The following IPO5 variants were observed in gnomAD, a reference collection of about 807,000 sequenced individuals.
IPO5 encodes the protein importin-5.
IPO5 carries 18 observed loss-of-function variants against 143.3 expected under a neutral mutation model. That is an observed-to-expected ratio of 0.13 (90% CI 0.09 to 0.19). The LOEUF (loss-of-function observed/expected upper bound fraction) is 0.19, where lower values mean the gene tolerates loss of function less well. Among genes scored for constraint, IPO5 ranks in the 10% least tolerant of loss-of-function variants. IPO5 has a pLI of 1.00. For missense variants in IPO5, 1,013 were observed against 1,336.9 expected (o/e 0.76, Z 3.78); for synonymous variants, 477 against 465.7 (o/e 1.02, Z -0.31).
At chr13:97,999,308 C>T (rs938337600) in intron 12 of IPO5, among the ~76,000 whole-genome samples, 1 of 152,140 alleles carries the variant, frequency 6.6e-6, no homozygotes, top group African/African-American at 2.4e-5. Flanking sequence ...TTAATACTGT[C>T]TTGAAGTATA....
At chr13:97,964,654 T>G (rs573381812) in intron 2 of IPO5, among the ~76,000 whole-genome samples, 1 of 152,056 alleles carries the variant, frequency 6.6e-6, no homozygotes, top group Admixed American at 6.6e-5. Flanking sequence ...TTTCACCGTG[T>G]TAGCCAGGAT....
intron 11 of IPO5, among the ~76,000 whole-genome samples, chr13:97,996,832 TC>T (rs1045522847): frequency 1.6e-4 from 24 of 152,168 alleles, no homozygotes; most frequent in Admixed American, 5.2e-4. Context: ...GACCTCGTGA[TC>T]CGCCTGCCTC....
chr13:97,977,308 C>T (rs985905580), intron 4 of IPO5, among the ~76,000 whole-genome samples: 4 of 152,212 alleles, frequency 2.6e-5, no homozygotes, highest in Non-Finnish European at 5.9e-5. Flanking sequence ...CTGCCTTGTC[C>T]CTACTGCCTT....
At chr13:97,995,625 G>A (rs980870688) in intron 11 of IPO5, among the ~76,000 whole-genome samples, 25 of 151,620 alleles carry the variant, frequency 1.6e-4, no homozygotes, top group African/African-American at 4.9e-4. Context: ...GCGTGGTGGC[G>A]GGCGCCTGTA....
Position 98,021,742 on chromosome 13 carries a change from G to T in IPO5, c.3214G>T (p.Gly1072Ter). The T allele has an allele frequency of 6.5e-7, 1 of 1,546,008 alleles. No individual in the cohort carries two copies. The highest frequency in any genetic ancestry group is 1.2e-5 in the South Asian group (1 of 82,848). Residue 1072 changes from glycine (G) to a stop codon, truncating the protein, a stop_gained, in exon 29 of 29, where the codon GGA becomes TGA. Transcript: ENST00000651721. LOFTEE classifies it high-confidence loss of function. ...AAAATGTTTCTTTCCCTAGACTTCT[G>T]GAGGACTGTGGACTGAGTGCATAGC... ...ANVVRQVQTSGGLWTECIAQL... is the reference protein window; with the variant it reads ...ANVVRQVQTS
intron 18 of IPO5, 29 bp downstream of exon 18, chr13:98,008,171 TC>T: frequency 7.6e-7 from 1 of 1,315,844 alleles, no homozygotes; most frequent in Non-Finnish European, 1.1e-6. Context: ...TTTGCTTTGA[TC>T]CGCTAATGAG....
At chr13:98,011,978 G>T (rs1023284058) in intron 20 of IPO5, among the ~76,000 whole-genome samples, 4 of 151,638 alleles carry the variant, frequency 2.6e-5, no homozygotes, top group African/African-American at 9.7e-5. Flanking sequence ...GAATACGAAT[G>T]ATTCCAGCCT....
intron 12 of IPO5, among the ~76,000 whole-genome samples, chr13:97,998,959 A>G (rs1048864590): frequency 6.6e-6 from 1 of 152,168 alleles, no homozygotes; most frequent in Non-Finnish European, 1.5e-5. Context: ...CCTGACCAAC[A>G]TGTTGAAACC....
chr13:97,970,677 C>T (rs1885752903), intron 3 of IPO5, among the ~76,000 whole-genome samples: 1 of 152,124 alleles, frequency 6.6e-6, no homozygotes, highest in Admixed American at 6.6e-5. Flanking sequence ...AATTGGTCAA[C>T]AGTCATAATG....
chr13:97,990,024 A>G lies in IPO5; in HGVS notation c.468-102A>G, dbSNP rs1004333813. The G allele has an allele frequency of 2.6e-5, 19 of 717,886 alleles. No homozygotes were observed. In the East Asian group the frequency reaches 5.1e-4, roughly 19 times the overall value. 44.5% of individuals were successfully genotyped at this position (717,886 alleles called of 1,614,324 possible). ...ATGTTCAACCTATGGATTAATGCGT[A>G]CTGAGTCAGGTAAACAAACAGTTCA... On this transcript the variant is annotated intron_variant, in intron 7 of 28. Transcript: ENST00000651721.
At chr13:97,959,243 C>T (rs1207145956) in intron 2 of IPO5, among the ~76,000 whole-genome samples, 1 of 152,092 alleles carries the variant, frequency 6.6e-6, no homozygotes, top group Non-Finnish European at 1.5e-5. Context: ...GAACATGCTG[C>T]TGAACTATCA....
At chr13:97,993,603 A>G (rs1031330086) in intron 11 of IPO5, among the ~76,000 whole-genome samples, 3 of 152,248 alleles carry the variant, frequency 2.0e-5, no homozygotes, top group Non-Finnish European at 4.4e-5. Flanking sequence ...TGAAGCCAAG[A>G]TTAGAAGAAC....
intron 3 of IPO5, among the ~76,000 whole-genome samples, chr13:97,973,545 T>A (rs1411623774): frequency 6.6e-6 from 1 of 152,216 alleles, no homozygotes; most frequent in African/African-American, 2.4e-5. Flanking sequence ...TCAGGACATC[T>A]GCTATCTACC....
chr13:97,971,586 G>C (rs1400054013), intron 3 of IPO5, among the ~76,000 whole-genome samples: 1 of 152,028 alleles, frequency 6.6e-6, no homozygotes, highest in African/African-American at 2.4e-5. Flanking sequence ...TAGAAAATAC[G>C]CAAGTAGATT....
chr13:98,013,568 T>C (rs1021608162), intron 21 of IPO5, among the ~76,000 whole-genome samples: 1 of 152,090 alleles, frequency 6.6e-6, no homozygotes, highest in Non-Finnish European at 1.5e-5. Context: ...GGGATTGCTT[T>C]TAAGAGGAAG....
rs1483423782 is a variant in IPO5 at position 98,022,666 on chromosome 13, CTAAGT to C, written c.*847_*851del. The C allele has an allele frequency of 2.0e-5, 3 of 152,250 alleles. No homozygotes were observed. The highest frequency in any genetic ancestry group is 4.1e-4 in the South Asian group (2 of 4,820). The allele number at this position is 152,250 out of a possible 1,614,324, so 9.4% of individuals were successfully genotyped here. A position where few individuals can be genotyped will look rare whatever the true frequency, so the allele number is the denominator to read the frequency against. On this transcript the variant is annotated 3_prime_UTR_variant, in exon 29 of 29. Coordinates refer to ENST00000651721, the MANE Select transcript of IPO5 (RefSeq NM_002271.6). The stretch of plus-strand genomic sequence containing the variant: ...AGTTTTTACCATCTTCCACTTTAAG[CTAAGT>C]TATGATACCTATTCCATTCACAATT...
At chr13:97,998,713 A>G (rs1888507507) in intron 12 of IPO5, among the ~76,000 whole-genome samples, 1 of 152,218 alleles carries the variant, frequency 6.6e-6, no homozygotes, top group Non-Finnish European at 1.5e-5. Flanking sequence ...CCAGAGGTGT[A>G]TTATATTACA....
Position 98,006,328 on chromosome 13 carries a change from C to G in IPO5, c.1696C>G (p.Leu566Val). ...KTIECISLIGLAVGKEKFMQD... is the reference protein window; with the variant it reads ...KTIECISLIGVAVGKEKFMQD... ...TATTGAATGCATTAGCCTCATTGGT[C>G]TGGCTGTTGGGAAGGAAAAAGTAAG... The change falls in exon 17 of 29, where the codon CTG becomes GTG. Residue 566 changes from leucine to valine, a missense_variant. Leu to Val is a conservative substitution (Grantham distance 32, BLOSUM62 1). Transcript: ENST00000651721. 8.3e-7 allele frequency: 1 copy of G among 1,206,478 alleles called. No individual in the cohort carries two copies. The highest frequency in any genetic ancestry group is 1.1e-6 in the Non-Finnish European group (1 of 874,526). The allele number at this position is 1,206,478 out of a possible 1,614,324, so 74.7% of individuals were successfully genotyped here.
chr13:97,988,008 G>A, intron 6 of IPO5: 1 of 307,952 alleles, frequency 3.2e-6, no homozygotes, highest in Non-Finnish European at 7.2e-6. Flanking sequence ...TTAGGTTGAA[G>A]AAACATTTAA....
Sources: gnomAD v4.1 joint callset for allele counts (sites outside exome capture counted in the v4.1 genomes callset) on GRCh38, gnomAD v4.1.1 for gene constraint, MANE v1.5 for transcripts, NCBI Gene and HGNC (gene_info 2026-07-23, HGNC 2026-07-21) for gene names.